Variants in ESRRG observed in about 807,000 individuals in gnomAD.
The protein encoded by ESRRG is estrogen-related receptor gamma.
ESRRG carries 13 observed loss-of-function variants against 44.0 expected under a neutral mutation model. The observed-to-expected ratio is 0.30, with a 90% CI of 0.19 to 0.47. The LOEUF (loss-of-function observed/expected upper bound fraction) is 0.47. Ranked by LOEUF, ESRRG falls within the 20% of genes least tolerant of loss-of-function variation. The pLI is 1.00. For synonymous variants in ESRRG, 215 were observed against 214.6 expected (o/e 1.00, Z -0.02); for missense variants, 395 against 580.6 (o/e 0.68, Z 3.29).
intron 2 of ESRRG, among the ~76,000 whole-genome samples, chr1:216,769,014 C>T (rs1264964737): frequency 6.6e-6 from 1 of 151,652 alleles, no homozygotes; most frequent in Non-Finnish European, 1.5e-5. Context: ...CAACAAATGC[C>T]TAATGTATGT....
chr1:216,611,014 C>T (rs1174568269), intron 3 of ESRRG, among the ~76,000 whole-genome samples: 1 of 151,808 alleles, frequency 6.6e-6, no homozygotes, highest in Non-Finnish European at 1.5e-5. Context: ...ACTAGCCTGA[C>T]CAACATGATG....
chr1:216,607,215 A>G (rs1207729088), intron 3 of ESRRG, among the ~76,000 whole-genome samples: 1 of 152,138 alleles, frequency 6.6e-6, no homozygotes, highest in East Asian at 1.9e-4. Flanking sequence ...GCTGACCACA[A>G]TCCCTACACC....
chr1:216,600,620 G>A (rs2059075895), intron 3 of ESRRG, among the ~76,000 whole-genome samples: 1 of 151,816 alleles, frequency 6.6e-6, no homozygotes. Flanking sequence ...TCATCACCCA[G>A]GTATTAAGCC....
intron 1 of ESRRG, among the ~76,000 whole-genome samples, chr1:217,043,248 T>C (rs1301123845): frequency 6.6e-6 from 1 of 152,104 alleles, no homozygotes; most frequent in Non-Finnish European, 1.5e-5. Flanking sequence ...CCCAGCAAAG[T>C]AAGCTGCCCT....
intron 2 of ESRRG, among the ~76,000 whole-genome samples, chr1:216,807,508 A>G (rs931399990): frequency 2.0e-5 from 3 of 152,140 alleles, no homozygotes; most frequent in Non-Finnish European, 4.4e-5. Flanking sequence ...AATCCTTAAA[A>G]TATGATATGG....
intron 1 of ESRRG, among the ~76,000 whole-genome samples, chr1:216,682,848 T>G (rs1265317528): frequency 6.6e-6 from 1 of 151,966 alleles, no homozygotes; most frequent in Non-Finnish European, 1.5e-5. Context: ...AGTTACAACT[T>G]CAAGCACGCT....
intron 2 of ESRRG, among the ~76,000 whole-genome samples, chr1:216,929,248 T>C (rs985581173): frequency 6.6e-6 from 1 of 152,140 alleles, no homozygotes; most frequent in African/African-American, 2.4e-5. Flanking sequence ...GTCACTCAAA[T>C]TTCTTCCTTC....
intron 2 of ESRRG, among the ~76,000 whole-genome samples, chr1:216,789,782 T>C (rs1435414991): frequency 6.6e-6 from 1 of 152,100 alleles, no homozygotes; most frequent in Non-Finnish European, 1.5e-5. Flanking sequence ...CTGGTAGAAA[T>C]ATAAAAGATA....
At chr1:216,629,661 T>C (rs1455421097) in intron 3 of ESRRG, among the ~76,000 whole-genome samples, 2 of 152,180 alleles carry the variant, frequency 1.3e-5, no homozygotes, top group Non-Finnish European at 2.9e-5. Flanking sequence ...TCCTGAAGTG[T>C]CTTACCACCA....
chr1:216,960,284 C>T (rs2068775068), intron 1 of ESRRG, among the ~76,000 whole-genome samples: 1 of 152,158 alleles, frequency 6.6e-6, no homozygotes, highest in Admixed American at 6.6e-5. Flanking sequence ...AATAAACTCT[C>T]ATGGATCTAC....
chr1:216,507,647 T>C (rs1259482043), intron 6 of ESRRG, among the ~76,000 whole-genome samples: 1 of 152,196 alleles, frequency 6.6e-6, no homozygotes, highest in African/African-American at 2.4e-5. Context: ...GAAAAAATTG[T>C]TGACTAAGAT....
Position 216,781,028 on chromosome 1 carries a change from G to A in ESRRG, c.-13-103537C>T, listed in dbSNP as rs375089546. 1.7e-4 allele frequency among the ~76,000 whole-genome samples: 26 copies of A among 151,960 alleles called. 1 individual carries two copies. In the East Asian group the frequency reaches 3.7e-3, roughly 22 times the overall value. On this transcript the variant is annotated intron_variant, in intron 2 of 7. Transcript: ENST00000359162. ...TAATTTTGTGGTATCATTTAATATG[G>A]TTAACTAAGTGCTTATTTTTAACCC...
intron 3 of ESRRG, among the ~76,000 whole-genome samples, chr1:216,586,283 CG>C (rs1259607480): frequency 1.3e-5 from 2 of 151,870 alleles, no homozygotes; most frequent in African/African-American, 2.4e-5. Flanking sequence ...TTTTTTAAGA[CG>C]CTGGAATAAA....
intron 1 of ESRRG, among the ~76,000 whole-genome samples, chr1:217,030,230 CCCTTCA>C (rs1341308036): frequency 2.0e-5 from 3 of 152,040 alleles, no homozygotes. Context: ...GCCTCCCTGT[CCCTTCA>C]CTCTTCTCTG....
At chr1:217,117,952 A>C (rs2092754459) in intron 1 of ESRRG, among the ~76,000 whole-genome samples, 1 of 152,232 alleles carries the variant, frequency 6.6e-6, no homozygotes, top group Admixed American at 6.5e-5. Context: ...CAAAAGTTGC[A>C]CTGACCTTGC....
chr1:216,648,558 C>T (rs2068163965), intron 3 of ESRRG, among the ~76,000 whole-genome samples: 1 of 152,024 alleles, frequency 6.6e-6, no homozygotes, highest in African/African-American at 2.4e-5. Flanking sequence ...CTCTTACCGC[C>T]CTTCAGGATT....
At chr1:216,799,170 T>C (rs1471310688) in intron 2 of ESRRG, among the ~76,000 whole-genome samples, 1 of 152,084 alleles carries the variant, frequency 6.6e-6, no homozygotes, top group Non-Finnish European at 1.5e-5. Flanking sequence ...ACCATTGCAA[T>C]TCCTATCAGA....
chr1:216,506,672 G>C lies in ESRRG; in HGVS notation c.*267C>G, dbSNP rs1260765076. 7.3e-6 allele frequency: 4 copies of C among 551,358 alleles called. No individual in the cohort carries two copies. The highest frequency in any genetic ancestry group is 5.1e-5 in the Admixed American group (2 of 39,576). 34.2% of individuals were successfully genotyped at this position (551,358 alleles called of 1,614,324 possible). ...GGAATGAAAGAAGCAAAGAAATAAG[G>C]GAGGTGAAAGAAGAAAAGGAGAAAA... On this transcript the variant is annotated 3_prime_UTR_variant, in exon 7 of 7. Coordinates refer to ENST00000408911, the MANE Select transcript of ESRRG (RefSeq NM_001438.4).
At chr1:216,623,111 C>G (rs1371814524) in intron 3 of ESRRG, among the ~76,000 whole-genome samples, 1 of 101,764 alleles carries the variant, frequency 9.8e-6, no homozygotes, top group Non-Finnish European at 1.8e-5. Flanking sequence ...GAGATGGAGT[C>G]TCGCTCTGTC....
Sources: allele counts gnomAD v4.1 joint callset (sites outside exome capture counted in the v4.1 genomes callset), GRCh38; gene constraint gnomAD v4.1.1; transcripts MANE v1.5; gene names NCBI Gene and HGNC (gene_info 2026-07-23, HGNC 2026-07-21).